The following OPCML variants were observed in gnomAD, a reference collection of about 807,000 sequenced individuals.
OPCML encodes opioid binding protein/cell adhesion molecule like, also known as opioid-binding protein/cell adhesion molecule.
Under a neutral mutation model 37.8 loss-of-function variants are expected in OPCML, and 13 were observed. That is an observed-to-expected ratio of 0.34 (90% CI 0.22 to 0.55). The LOEUF is 0.55. OPCML is among the 20% of genes least tolerant of loss of function. OPCML has a pLI of 0.91. For missense variants in OPCML, 341 were observed against 435.6 expected, an observed-to-expected ratio of 0.78 and a Z score of 1.93; for synonymous variants, 176 against 168.8, an observed-to-expected ratio of 1.04 and a Z score of -0.33.
chr11:133,130,995 T>A (rs1949595462), intron 1 of OPCML, among the ~76,000 whole-genome samples: 1 of 152,056 alleles, frequency 6.6e-6, no homozygotes, highest in Non-Finnish European at 1.5e-5. Context: ...CCCAGTGTGA[T>A]GATATTTGGA....
At chr11:132,721,774 A>G (rs1314263056) in intron 2 of OPCML, among the ~76,000 whole-genome samples, 1 of 152,134 alleles carries the variant, frequency 6.6e-6, no homozygotes, top group Non-Finnish European at 1.5e-5. Context: ...TAGGAAAATA[A>G]GAAGCAGAGG....
chr11:132,670,788 G>A (rs1031924564), intron 2 of OPCML, among the ~76,000 whole-genome samples: 1 of 152,036 alleles, frequency 6.6e-6, no homozygotes, highest in Non-Finnish European at 1.5e-5. Flanking sequence ...GTCAATAAAT[G>A]TTTGCTATTA....
intron 2 of OPCML, among the ~76,000 whole-genome samples, chr11:132,769,637 C>T (rs939754579): frequency 2.0e-5 from 3 of 152,160 alleles, no homozygotes; most frequent in African/African-American, 7.2e-5. Context: ...GTAGCATAAC[C>T]AAGGAATGTA....
At chr11:133,420,770 T>A (rs896213141) in intron 1 of OPCML, 3 of 985,276 alleles carry the variant, frequency 3.0e-6, no homozygotes, top group Non-Finnish European at 3.6e-6. Context: ...AGCCTTCAAG[T>A]TGAAATTCAA....
intron 1 of OPCML, among the ~76,000 whole-genome samples, chr11:133,311,719 C>T (rs960415530): frequency 6.6e-6 from 1 of 152,208 alleles, no homozygotes; most frequent in Admixed American, 6.5e-5. Flanking sequence ...AGGGCCCACA[C>T]TGTGGGCAGG....
intron 1 of OPCML, among the ~76,000 whole-genome samples, chr11:133,081,822 G>C (rs1948722086): frequency 6.6e-6 from 1 of 152,074 alleles, no homozygotes; most frequent in Non-Finnish European, 1.5e-5. Flanking sequence ...CAGGTGAAGC[G>C]CTGGCAGCGC....
chr11:133,045,507 C>T (rs146771559), intron 1 of OPCML, among the ~76,000 whole-genome samples: 46 of 152,068 alleles, frequency 3.0e-4, no homozygotes, highest in Admixed American at 5.2e-4. Flanking sequence ...GATGTAGCAC[C>T]GTCATTGGAG....
At chr11:133,415,002 A>T (rs1317503763) in intron 1 of OPCML, among the ~76,000 whole-genome samples, 2 of 152,176 alleles carry the variant, frequency 1.3e-5, no homozygotes, top group Non-Finnish European at 2.9e-5. Context: ...ACTCAATTCA[A>T]CAAGACAACA....
chr11:133,452,076 A>G lies in OPCML; in HGVS notation c.61+80188T>C, dbSNP rs1027066060. 3.3e-5 allele frequency among the ~76,000 whole-genome samples: 5 copies of G among 151,800 alleles called. No homozygotes were observed. The East Asian group carries it at 9.6e-4, about 29-fold the overall frequency. On this transcript the variant is annotated intron_variant, in intron 1 of 7. Transcript: ENST00000524381. Reference sequence around the variant, plus strand: ...TAACAGAATCCAAAGTTTTGTACCAATGTCCAGAATATAATCAAAATTACT... The same window carrying G: ...TAACAGAATCCAAAGTTTTGTACCAGTGTCCAGAATATAATCAAAATTACT...
intron 2 of OPCML, among the ~76,000 whole-genome samples, chr11:132,792,127 T>C (rs1937956459): frequency 6.6e-6 from 1 of 152,236 alleles, no homozygotes; most frequent in Non-Finnish European, 1.5e-5. Context: ...CTTTTTGTTT[T>C]GTTTTGTTTT....
rs191499062 is a variant in OPCML, at chr11:133,397,110, G to A, written c.61+135154C>T. Among the ~76,000 whole-genome samples, 14 of 152,224 alleles carry A rather than the reference G, an allele frequency of 9.2e-5. No homozygotes were observed. The East Asian group carries it at 2.7e-3, about 29-fold the overall frequency. On this transcript the variant is annotated intron_variant, in intron 1 of 7. Transcript: ENST00000524381. ...GGCAACTGAAGAGTTGCAATTACTT[G>A]TGCTTATTTTCAAACAGCTGGTTAA...
At chr11:132,649,057 C>A (rs574669251) in intron 3 of OPCML, among the ~76,000 whole-genome samples, 1 of 151,944 alleles carries the variant, frequency 6.6e-6, no homozygotes, top group Non-Finnish European at 1.5e-5. Context: ...ACTGTGTGAG[C>A]GTGTGTGTGG....
chr11:132,802,506 GA>G (rs1938719949), intron 2 of OPCML, among the ~76,000 whole-genome samples: 2 of 152,162 alleles, frequency 1.3e-5, no homozygotes, highest in Admixed American at 1.3e-4. Context: ...AGATTTCTTA[GA>G]AACAATTTCT....
At chr11:133,257,083 A>C (rs1176864286) in intron 1 of OPCML, among the ~76,000 whole-genome samples, 1 of 152,228 alleles carries the variant, frequency 6.6e-6, no homozygotes, top group Admixed American at 6.5e-5. Flanking sequence ...AAATTCCTAA[A>C]TATTTAGCAA....
chr11:132,693,757 G>C (rs1943493745), intron 2 of OPCML, among the ~76,000 whole-genome samples: 1 of 152,106 alleles, frequency 6.6e-6, no homozygotes, highest in Admixed American at 6.5e-5. Context: ...TTTCCTTCTT[G>C]TTAAGGTTTG....
Position 133,025,746 on chromosome 11 carries a change from T to G in OPCML, c.62-82736A>C, listed in dbSNP as rs1404552756. Among the ~76,000 whole-genome samples, 8 of 147,626 alleles carry G rather than the reference T, an allele frequency of 5.4e-5. No individual in the cohort carries two copies. In the South Asian group the frequency reaches 1.8e-3, roughly 33 times the overall value. On this transcript the variant is annotated intron_variant, in intron 1 of 7. Coordinates refer to ENST00000524381, the MANE Select transcript of OPCML (RefSeq NM_001012393.5). Reference sequence around the variant, plus strand: ...ATTTGATTTTTTTTTTTTTTTTTTTTTTTTTGAGATGGAGTCTCGATCTGT... The same window carrying G: ...ATTTGATTTTTTTTTTTTTTTTTTTGTTTTTGAGATGGAGTCTCGATCTGT...
chr11:132,818,050 C>A (rs1300695516), intron 2 of OPCML, among the ~76,000 whole-genome samples: 1 of 151,934 alleles, frequency 6.6e-6, no homozygotes, highest in Non-Finnish European at 1.5e-5. Context: ...GGATAGAATC[C>A]CACAGACCTG....
intron 1 of OPCML, among the ~76,000 whole-genome samples, chr11:133,334,976 C>T (rs1943711040): frequency 6.6e-6 from 1 of 152,196 alleles, no homozygotes; most frequent in Admixed American, 6.5e-5. Flanking sequence ...TGGCTGGACC[C>T]TAAATCTGAA....
At chr11:132,473,016 C>T (rs1483362122) in intron 4 of OPCML, among the ~76,000 whole-genome samples, 1 of 152,222 alleles carries the variant, frequency 6.6e-6, no homozygotes, top group African/African-American at 2.4e-5. Flanking sequence ...CGAGCCAGCT[C>T]CCTTCACTAG....
Sources: gnomAD v4.1 joint callset for allele counts (sites outside exome capture counted in the v4.1 genomes callset) on GRCh38, gnomAD v4.1.1 for gene constraint, MANE v1.5 for transcripts, NCBI Gene and HGNC (gene_info 2026-07-23, HGNC 2026-07-21) for gene names.